The following GC variants were observed in gnomAD, a reference collection of about 807,000 sequenced individuals.
GC encodes GC vitamin D binding protein, also known as vitamin D-binding protein.
Under a neutral mutation model 56.7 loss-of-function variants are expected in GC, and 43 were observed. That is an observed-to-expected ratio of 0.76 (90% CI 0.59 to 0.98). The LOEUF (loss-of-function observed/expected upper bound fraction) is 0.98, where lower values mean the gene tolerates loss of function less well. GC is among the 50% of genes least tolerant of loss of function. GC has a pLI of 0.00. For missense variants in GC, 529 were observed against 545.9 expected, an observed-to-expected ratio of 0.97 and a Z score of 0.31; for synonymous variants, 216 against 202.7, an observed-to-expected ratio of 1.07 and a Z score of -0.56.
intron 2 of GC, 57 bp from the exon 3 acceptor site, chr4:71,768,490 A>G (rs1183461395): frequency 3.4e-6 from 5 of 1,489,492 alleles, no homozygotes; most frequent in Non-Finnish European, 3.7e-6. Context: ...TTTTTTTGAG[A>G]CGGAGTCTCG....
chr4:71,757,151 C>T (rs574652801), intron 7 of GC, among the ~76,000 whole-genome samples: 11 of 151,896 alleles, frequency 7.2e-5, no homozygotes, highest in African/African-American at 9.7e-5. Context: ...GTAGATAAAA[C>T]GACAACAACT....
chr4:71,788,981 T>G (rs1485333408), upstream of GC, among the ~76,000 whole-genome samples: 2 of 151,938 alleles, frequency 1.3e-5, no homozygotes, highest in Non-Finnish European at 2.9e-5. Context: ...GGTTTTATAA[T>G]AATTTTTTAA....
chr4:71,750,510 A>G (rs999686642), intron 11 of GC, among the ~76,000 whole-genome samples: 2 of 152,232 alleles, frequency 1.3e-5, no homozygotes, highest in East Asian at 1.9e-4. Context: ...AATGCAGTCT[A>G]ATAGAAACTG....
intron 12 of GC, among the ~76,000 whole-genome samples, chr4:71,744,458 CA>C (rs35292398): frequency 0.23 from 18,854 of 82,872 alleles, 1,230 homozygotes; most frequent in South Asian, 0.32. Context: ...GACTCCATCT[CA>C]AAAAAAAAAA....
intron 1 of GC, among the ~76,000 whole-genome samples, chr4:71,782,250 C>T (rs910879062): frequency 6.6e-6 from 1 of 151,790 alleles, no homozygotes; most frequent in Non-Finnish European, 1.5e-5. Flanking sequence ...CAAGGCTACT[C>T]AGAACCTAAG....
In GC at chr4:71,770,589, T is replaced by G. The variant is rs185956639; in HGVS notation, c.59-1189A>C. 7.9e-5 allele frequency among the ~76,000 whole-genome samples: 12 copies of G among 152,252 alleles called. No homozygotes were observed. In the East Asian group the frequency reaches 2.1e-3, roughly 27 times the overall value. ...TTTTTTGCCCATTGAGTTGAGTTTT[T>G]CCTGCTGCTATCTCTCTTACTAGCT... On this transcript the variant is annotated intron_variant, in intron 1 of 12. Transcript: ENST00000273951.
intron 1 of GC, among the ~76,000 whole-genome samples, chr4:71,773,951 T>A (rs1027901496): frequency 6.6e-6 from 1 of 152,072 alleles, no homozygotes; most frequent in Non-Finnish European, 1.5e-5. Flanking sequence ...GTTTGCAGTG[T>A]TTATTCAAAC....
chr4:71,776,985 G>A (rs1050221463), intron 1 of GC, among the ~76,000 whole-genome samples: 4 of 151,658 alleles, frequency 2.6e-5, no homozygotes, highest in Admixed American at 2.0e-4. Flanking sequence ...ACAGATCCCC[G>A]AGCCATTTAA....
chr4:71,785,013 A>G (rs1405533656), upstream of GC, among the ~76,000 whole-genome samples: 1 of 151,672 alleles, frequency 6.6e-6, no homozygotes, highest in African/African-American at 2.4e-5. Flanking sequence ...CCCTATTTTC[A>G]GGAAATGGTC....
intron 1 of GC, among the ~76,000 whole-genome samples, chr4:71,800,057 A>G (rs984576851): frequency 1.6e-5 from 2 of 125,684 alleles, no homozygotes; most frequent in African/African-American, 5.4e-5. Context: ...TATAGCTGAC[A>G]CTTCACTTCC....
chr4:71,767,652 T>C (rs1248678941), intron 3 of GC, among the ~76,000 whole-genome samples: 1 of 148,828 alleles, frequency 6.7e-6, no homozygotes, highest in Non-Finnish European at 1.5e-5. Flanking sequence ...AAAATGTATA[T>C]ATACATATAT....
At chr4:71,742,878 G>A (rs2149291021) in intron 12 of GC, among the ~76,000 whole-genome samples, 1 of 152,320 alleles carries the variant, frequency 6.6e-6, no homozygotes, top group Middle Eastern at 3.4e-3. Context: ...GGTGGCTGAG[G>A]CAGGAGAATG....
intron 6 of GC, among the ~76,000 whole-genome samples, chr4:71,758,587 C>G (rs545689572): frequency 6.6e-6 from 1 of 152,240 alleles, no homozygotes; most frequent in African/African-American, 2.4e-5. Context: ...TAGCTTTACA[C>G]CACAGAGTTA....
At chr4:71,800,286 G>A (rs1023374909) in intron 1 of GC, among the ~76,000 whole-genome samples, 1 of 152,008 alleles carries the variant, frequency 6.6e-6, no homozygotes, top group Admixed American at 6.6e-5. Flanking sequence ...CTGTGTCCAT[G>A]TATCCTCATT....
intron 1 of GC, among the ~76,000 whole-genome samples, chr4:71,777,948 T>A (rs975886701): frequency 6.6e-6 from 1 of 151,644 alleles, no homozygotes; most frequent in Non-Finnish European, 1.5e-5. Flanking sequence ...GGTGGGTTGA[T>A]GGGTGCAGCA....
chr4:71,791,960 C>A (rs996278710), intron 1 of GC, among the ~76,000 whole-genome samples: 1 of 152,166 alleles, frequency 6.6e-6, no homozygotes, highest in Non-Finnish European at 1.5e-5. Flanking sequence ...ATGATGGTTT[C>A]CAGCTTCATC....
intron 11 of GC, among the ~76,000 whole-genome samples, chr4:71,746,413 G>T (rs929302944): frequency 2.0e-5 from 3 of 151,676 alleles, no homozygotes; most frequent in Admixed American, 6.6e-5. Context: ...CTTAGAGTCT[G>T]CTGGGAAAAG....
chr4:71,793,434 G>A (rs768811037), intron 1 of GC, among the ~76,000 whole-genome samples: 1 of 152,136 alleles, frequency 6.6e-6, no homozygotes, highest in African/African-American at 2.4e-5. Flanking sequence ...GTGAATGGGA[G>A]TTCACTCATG....
chr4:71,803,933 C>G, exon 1 of GC: 1 of 1,507,344 alleles, frequency 6.6e-7, no homozygotes, highest in Non-Finnish European at 8.9e-7. Flanking sequence ...TACCTCACTC[C>G]AAGACCACAG....
Sources: allele counts gnomAD v4.1 joint callset (sites outside exome capture counted in the v4.1 genomes callset), GRCh38; gene constraint gnomAD v4.1.1; transcripts MANE v1.5; gene names NCBI Gene and HGNC (gene_info 2026-07-23, HGNC 2026-07-21).